Variants in AR observed in about 807,000 individuals in gnomAD.
The protein encoded by AR is dihydrotestosterone receptor.
In AR, 8 loss-of-function variants were observed where a neutral mutation model predicts 53.9. The ratio of observed to expected loss-of-function variants is 0.15; its 90% CI spans 0.09 to 0.27. AR has a LOEUF of 0.27. AR is among the 10% of genes least tolerant of loss of function. AR has a pLI of 1.00. For synonymous variants in AR, 359 were observed against 316.4 expected, an observed-to-expected ratio of 1.13 and a Z score of -1.43; for missense variants, 639 against 742.5, an observed-to-expected ratio of 0.86 and a Z score of 1.62.
At chrX:67,667,938 G>T in intron 2 of AR, among the ~76,000 whole-genome samples, 2 of 111,648 alleles carry the variant, frequency 1.8e-5, no homozygotes, top group Middle Eastern at 9.2e-3. Context: ...TACTGAATTT[G>T]TTTATCAGTT....
intron 1 of AR, among the ~76,000 whole-genome samples, chrX:67,627,201 A>G (rs1924716920): frequency 1.8e-5 from 2 of 111,488 alleles, no homozygotes; most frequent in South Asian, 3.8e-4. Context: ...CTGAGGAATC[A>G]CCACACTGAC....
intron 2 of AR, among the ~76,000 whole-genome samples, chrX:67,672,109 C>T (rs943124972): frequency 9.0e-6 from 1 of 111,383 alleles, no homozygotes. Context: ...ATTCCTCACC[C>T]TCTCTCAACA....
At chrX:67,627,084 T>C (rs1486432783) in intron 1 of AR, among the ~76,000 whole-genome samples, 1 of 109,607 alleles carries the variant, frequency 9.1e-6, no homozygotes. Flanking sequence ...AATGCCGCAA[T>C]GAACATACGT....
intron 1 of AR, among the ~76,000 whole-genome samples, chrX:67,551,909 C>A (rs973366654): frequency 9.0e-6 from 1 of 111,711 alleles, no homozygotes; most frequent in African/African-American, 3.3e-5. Context: ...GCAGGCCACA[C>A]CAGGATTGAG....
chrX:67,577,260 G>A (rs192845104), intron 1 of AR, among the ~76,000 whole-genome samples: 140 of 110,826 alleles, frequency 1.3e-3, no homozygotes, highest in African/African-American at 4.5e-3. Context: ...CACTTAGCAT[G>A]ATGTTTCCAA....
intron 1 of AR, among the ~76,000 whole-genome samples, chrX:67,635,122 G>A (rs749107951): frequency 4.7e-5 from 5 of 107,526 alleles, no homozygotes; most frequent in African/African-American, 1.7e-4. Context: ...TTTATTTTTA[G>A]GATATTAGAT....
intron 3 of AR, among the ~76,000 whole-genome samples, chrX:67,693,505 G>A (rs1375677206): frequency 8.9e-6 from 1 of 112,144 alleles, no homozygotes; most frequent in Non-Finnish European, 1.9e-5. Flanking sequence ...TACAGATTGT[G>A]GGATGTGTTC....
intron 1 of AR, among the ~76,000 whole-genome samples, chrX:67,571,848 G>A (rs949025523): frequency 9.1e-6 from 1 of 110,012 alleles, no homozygotes; most frequent in Non-Finnish European, 1.9e-5. Flanking sequence ...AAAACAAGGA[G>A]GAGGAATCTA....
At chrX:67,686,184 T>C (rs914583677) in intron 3 of AR, 58 bp downstream of exon 3, 59 of 1,104,081 alleles carry the variant, frequency 5.3e-5, no homozygotes, top group Non-Finnish European at 7.3e-5. Flanking sequence ...TCCCTCATTT[T>C]CTAGTCTCTC....
intron 2 of AR, among the ~76,000 whole-genome samples, chrX:67,660,090 G>A (rs1456248535): frequency 5.4e-5 from 6 of 111,771 alleles, no homozygotes; most frequent in Non-Finnish European, 1.1e-4. Context: ...ATTTGTTTGA[G>A]TTCTTTGTAG....
intron 1 of AR, among the ~76,000 whole-genome samples, chrX:67,599,903 C>G (rs1469534211): frequency 9.0e-6 from 1 of 111,432 alleles, no homozygotes; most frequent in Non-Finnish European, 1.9e-5. Context: ...ACCATTAAAT[C>G]AACCATTAAA....
At chrX:67,549,303 C>T (rs1211330159) in intron 1 of AR, among the ~76,000 whole-genome samples, 1 of 111,590 alleles carries the variant, frequency 9.0e-6, no homozygotes, top group Admixed American at 9.5e-5. Context: ...TTCCAATGAC[C>T]TGTTGGGTCC....
chrX:67,678,407 A>G (rs1389836347), intron 2 of AR, among the ~76,000 whole-genome samples: 1 of 112,172 alleles, frequency 8.9e-6, no homozygotes, highest in African/African-American at 3.2e-5. Context: ...TTGTCTTTCT[A>G]TGCCTGGCTT....
chrX:67,722,554 A>T (rs1314853513), intron 6 of AR, among the ~76,000 whole-genome samples: 1 of 112,148 alleles, frequency 8.9e-6, no homozygotes, highest in Non-Finnish European at 1.9e-5. Context: ...CTTAGGTCCT[A>T]AAAAATGAGT....
At chrX:67,645,328 G>T (rs1444780852) in intron 2 of AR, among the ~76,000 whole-genome samples, 1 of 111,667 alleles carries the variant, frequency 9.0e-6, no homozygotes, top group Non-Finnish European at 1.9e-5. Flanking sequence ...CATCCCACAT[G>T]GGAGCTTTCT....
chrX:67,546,186 T>G lies in AR; in HGVS notation c.1040T>G (p.Leu347Arg), dbSNP rs746981310. Residue 347 changes from leucine (L) to arginine (R), a missense_variant, in exon 1 of 8, where the codon CTC becomes CGC. Leu to Arg is a moderately radical substitution (Grantham distance 102, BLOSUM62 -2). Transcript: ENST00000374690. ...GTLELPSTLS[L>R]YKSGALDEAA... ...CTTGAACTGCCGTCTACCCTGTCTC[T>G]CTACAAGTCCGGAGCACTGGACGAG... The G allele has an allele frequency of 1.7e-6, 2 of 1,211,983 alleles. No homozygotes were observed. The highest frequency in any genetic ancestry group is 4.3e-5 in the Admixed American group (2 of 46,155).
intron 3 of AR, chrX:67,694,724 G>A: frequency 1.7e-6 from 2 of 1,155,013 alleles, no homozygotes; most frequent in Middle Eastern, 2.3e-4. Context: ...AGACCCTGAA[G>A]AAAGGCTGAC....
chrX:67,625,653 G>T (rs921882334), intron 1 of AR, among the ~76,000 whole-genome samples: 2 of 111,318 alleles, frequency 1.8e-5, no homozygotes, highest in African/African-American at 6.5e-5. Context: ...TTTCAATGAG[G>T]AAAGAATAGT....
rs1244023584 is a variant in AR at position 67,545,106 on chromosome X, G to C, written c.-41G>C. The C allele has an allele frequency of 8.5e-7, 1 of 1,172,734 alleles. No individual in the cohort carries two copies. Among genetic ancestry groups the C allele is most frequent in the South Asian group, 2.0e-5 (1 of 50,783 alleles). ...TCTTCTGAGCAAGAGAAGGGGAGGCGGGGTAAGGGAAGTAGGTGGAAGATT... is the reference window on the plus strand; with the variant it reads ...TCTTCTGAGCAAGAGAAGGGGAGGCCGGGTAAGGGAAGTAGGTGGAAGATT... On this transcript the variant is annotated 5_prime_UTR_variant, in exon 1 of 8. Coordinates refer to ENST00000374690, the MANE Select transcript of AR (RefSeq NM_000044.6).
Sources: gnomAD v4.1 joint callset for allele counts (sites outside exome capture counted in the v4.1 genomes callset) on GRCh38, gnomAD v4.1.1 for gene constraint, MANE v1.5 for transcripts, NCBI Gene and HGNC (gene_info 2026-07-23, HGNC 2026-07-21) for gene names.